The following LRP1B variants were observed in gnomAD, a reference collection of about 807,000 sequenced individuals.
LRP1B encodes low-density lipoprotein receptor-related protein 1B.
Under a neutral mutation model 556.6 loss-of-function variants are expected in LRP1B, and 217 were observed. The observed-to-expected ratio is 0.39, with a 90% confidence interval of 0.35 to 0.44. The LOEUF is 0.44. Ranked by LOEUF, LRP1B falls within the 20% of genes least tolerant of loss-of-function variation. The pLI is 1.00. For synonymous variants in LRP1B, 2,047 were observed against 1,865.8 expected, an observed-to-expected ratio of 1.10 and a Z score of -2.50; for missense variants, 5,053 against 5,620.8, an observed-to-expected ratio of 0.90 and a Z score of 3.23.
chr2:141,496,283 A>T (rs1455566022), intron 2 of LRP1B, among the ~76,000 whole-genome samples: 2 of 151,984 alleles, frequency 1.3e-5, no homozygotes, highest in Admixed American at 6.6e-5. Context: ...CTCTAAAAAA[A>T]AAATGCCAAA....
Position 140,371,192 on chromosome 2 carries a change from T to C in LRP1B, c.10862A>G (p.Asp3621Gly). 1 of 1,587,172 alleles carries C rather than the reference T, an allele frequency of 6.3e-7. No homozygotes were observed. Among genetic ancestry groups the C allele is most frequent in the Non-Finnish European group, 8.6e-7 (1 of 1,166,024 alleles). ...LKCNGEYDCADGSDEMDCVTE... is the reference protein window; with the variant it reads ...LKCNGEYDCAGGSDEMDCVTE... ...AATATATTTTACCTCATCTGAACCA[T>C]CAGCACAATCATATTCTCCATTACA... Residue 3621 changes from aspartate to glycine, a missense_variant, in exon 70 of 91, where the codon GAT becomes GGT. Asp to Gly is a moderately conservative substitution (Grantham distance 94). Transcript: ENST00000389484.
intron 3 of LRP1B, among the ~76,000 whole-genome samples, chr2:141,450,000 A>G (rs563163579): frequency 6.6e-6 from 1 of 152,228 alleles, no homozygotes; most frequent in Non-Finnish European, 1.5e-5. Context: ...TTGCAAAGTC[A>G]CTCCCAGTTG....
At chr2:140,598,872 T>A in intron 42 of LRP1B, 37 bp from the exon 43 acceptor site, 2 of 1,379,332 alleles carry the variant, frequency 1.4e-6, no homozygotes, top group Non-Finnish European at 2.0e-6. Context: ...AAATTAAACT[T>A]CTCATCAAGA....
intron 31 of LRP1B, among the ~76,000 whole-genome samples, chr2:140,828,825 A>C (rs1384182465): frequency 6.7e-6 from 1 of 149,290 alleles, no homozygotes; most frequent in East Asian, 1.9e-4. Flanking sequence ...GACACAAAGC[A>C]GCTGAATAAT....
chr2:141,929,006 G>T (rs1049556947), intron 1 of LRP1B, among the ~76,000 whole-genome samples: 4 of 152,060 alleles, frequency 2.6e-5, no homozygotes, highest in African/African-American at 9.7e-5. Flanking sequence ...ATAGACAGCT[G>T]CCTTAGAGGG....
chr2:141,709,389 T>TAAAATAA (rs1553452072), intron 2 of LRP1B, among the ~76,000 whole-genome samples: 2 of 151,602 alleles, frequency 1.3e-5, no homozygotes, highest in Non-Finnish European at 1.5e-5. Context: ...TAAAATAAAA[T>TAAAATAA]AAAATAACCC....
intron 20 of LRP1B, among the ~76,000 whole-genome samples, chr2:140,929,222 C>T (rs565437840): frequency 1.9e-4 from 29 of 152,094 alleles, no homozygotes; most frequent in African/African-American, 6.7e-4. Context: ...AATAAGTAGG[C>T]TATGTAGGCA....
At chr2:141,515,250 C>T (rs1408994785) in intron 2 of LRP1B, among the ~76,000 whole-genome samples, 5 of 150,728 alleles carry the variant, frequency 3.3e-5, no homozygotes, top group Admixed American at 6.6e-5. Flanking sequence ...TGCGGTGAGC[C>T]GAGATCGCAC....
chr2:140,809,474 C>A (rs1424793340), intron 32 of LRP1B, among the ~76,000 whole-genome samples: 1 of 152,112 alleles, frequency 6.6e-6, no homozygotes, highest in Non-Finnish European at 1.5e-5. Context: ...TCAGATATTG[C>A]AGCCTAGACT....
At chr2:140,964,681 A>G (rs13013839) in intron 18 of LRP1B, among the ~76,000 whole-genome samples, 54,598 of 149,232 alleles carry the variant, frequency 0.37, 10,321 homozygotes, top group East Asian at 0.51. Context: ...ATAATATTGG[A>G]ATAAAAAGTA....
chr2:140,808,815 AC>A (rs772188774), intron 32 of LRP1B, among the ~76,000 whole-genome samples: 8 of 152,208 alleles, frequency 5.3e-5, no homozygotes, highest in Non-Finnish European at 1.0e-4. Context: ...AATAATAGTT[AC>A]ACCTGACATT....
rs1553518610 is a variant in LRP1B, at chr2:141,467,839, C to CGTGGG, written c.343+12556_343+12557insCCCAC. ...TTTGTTTGTTTGTTTGTTTGCGGAC[C>CGTGGG]GGGGGGGGGGGAATTCCAGCATACA... On this transcript the variant is annotated intron_variant, in intron 3 of 90. Coordinates refer to ENST00000389484, the MANE Select transcript of LRP1B (RefSeq NM_018557.3). Among the ~76,000 whole-genome samples the CGTGGG allele has an allele frequency of 8.9e-4, 51 of 57,174 alleles. 1 individual carries two copies. The highest frequency in any genetic ancestry group is 2.1e-3 in the African/African-American group (48 of 22,840). The allele number at this position is 57,174 out of a possible 152,430, so 37.5% of individuals were successfully genotyped here. A position where few individuals can be genotyped will look rare whatever the true frequency, so the allele number is the denominator to read the frequency against.
chr2:141,134,060 T>G (rs1166307533), intron 7 of LRP1B, among the ~76,000 whole-genome samples: 2 of 151,866 alleles, frequency 1.3e-5, no homozygotes, highest in African/African-American at 4.8e-5. Context: ...AGTACCACCA[T>G]GCACTCAGTC....
chr2:140,594,151 G>A (rs1359314071), intron 43 of LRP1B, among the ~76,000 whole-genome samples: 1 of 152,084 alleles, frequency 6.6e-6, no homozygotes, highest in African/African-American at 2.4e-5. Context: ...TGTATTTTTA[G>A]TAGAAATGGG....
intron 3 of LRP1B, among the ~76,000 whole-genome samples, chr2:141,256,825 G>A (rs1301654909): frequency 6.6e-6 from 1 of 152,012 alleles, no homozygotes; most frequent in Admixed American, 6.6e-5. Context: ...GAAGTCTGTA[G>A]TGGAGATATC....
At chr2:140,475,577 A>G (rs1383821868) in intron 59 of LRP1B, among the ~76,000 whole-genome samples, 2 of 151,166 alleles carry the variant, frequency 1.3e-5, no homozygotes, top group Non-Finnish European at 3.0e-5. Context: ...AAACTCATAT[A>G]TAACAATATT....
chr2:140,671,081 C>A (rs944957070), intron 41 of LRP1B, among the ~76,000 whole-genome samples: 2 of 152,046 alleles, frequency 1.3e-5, no homozygotes, highest in African/African-American at 4.8e-5. Context: ...GCAGTTATAA[C>A]AAATTACCAC....
chr2:140,656,512 T>C (rs896047562), intron 41 of LRP1B, among the ~76,000 whole-genome samples: 3 of 152,216 alleles, frequency 2.0e-5, no homozygotes, highest in African/African-American at 4.8e-5. Flanking sequence ...AAAATATCTT[T>C]GTTATCACAT....
intron 7 of LRP1B, among the ~76,000 whole-genome samples, chr2:141,148,245 A>T (rs754660781): frequency 7.2e-5 from 11 of 152,172 alleles, no homozygotes; most frequent in Admixed American, 7.2e-4. Context: ...CTGGTGTCCA[A>T]TGAGGTCAGT....
Sources: allele counts gnomAD v4.1 joint callset (sites outside exome capture counted in the v4.1 genomes callset), GRCh38; gene constraint gnomAD v4.1.1; transcripts MANE v1.5; gene names NCBI Gene and HGNC (gene_info 2026-07-23, HGNC 2026-07-21).